Variants in LRRC4C observed in about 807,000 individuals in gnomAD.
The protein encoded by LRRC4C is leucine rich repeat containing 4C.
Under a neutral mutation model 33.6 loss-of-function variants are expected in LRRC4C, and 5 were observed. That is an observed-to-expected ratio of 0.15 (90% CI 0.08 to 0.31). The LOEUF is 0.31. LRRC4C is among the 10% of genes least tolerant of loss of function. The pLI, the probability that LRRC4C is intolerant of heterozygous loss-of-function variation, is 1.00. For synonymous variants in LRRC4C, 329 were observed against 302.0 expected (o/e 1.09, Z -0.93); for missense variants, 560 against 796.7 (o/e 0.70, Z 3.58).
intron 5 of LRRC4C, among the ~76,000 whole-genome samples, chr11:40,190,768 G>A (rs1861772742): frequency 2.0e-5 from 3 of 152,136 alleles, no homozygotes; most frequent in African/African-American, 7.2e-5. Context: ...ATACTCATGT[G>A]TCTAGCCTGA....
At chr11:41,159,514 C>A (rs1944375095) in intron 1 of LRRC4C, among the ~76,000 whole-genome samples, 2 of 151,968 alleles carry the variant, frequency 1.3e-5, no homozygotes, top group Non-Finnish European at 1.5e-5. Context: ...CTAAAAGAAA[C>A]AATGAGCAGA....
chr11:40,437,827 C>G (rs189334571), intron 3 of LRRC4C, among the ~76,000 whole-genome samples: 1 of 152,218 alleles, frequency 6.6e-6, no homozygotes, highest in African/African-American at 2.4e-5. Flanking sequence ...CCTGCCTCAG[C>G]CTCCCGAGTA....
intron 4 of LRRC4C, among the ~76,000 whole-genome samples, chr11:40,246,998 GGA>G (rs1866393386): frequency 6.6e-6 from 1 of 152,090 alleles, no homozygotes; most frequent in African/African-American, 2.4e-5. Flanking sequence ...TCCCCCAGGT[GGA>G]GTTTATGGTT....
chr11:40,515,533 G>A (rs1033980810), intron 3 of LRRC4C, among the ~76,000 whole-genome samples: 1 of 151,982 alleles, frequency 6.6e-6, no homozygotes, highest in African/African-American at 2.4e-5. Flanking sequence ...ATCCCATGGA[G>A]CAAGTTGATG....
At chr11:40,871,606 C>T (rs562859564) in intron 2 of LRRC4C, among the ~76,000 whole-genome samples, 1 of 152,180 alleles carries the variant, frequency 6.6e-6, no homozygotes, top group East Asian at 1.9e-4. Flanking sequence ...CGTTTATGCA[C>T]AGACAAAGCG....
At chr11:41,185,019 C>T (rs1443065639) in intron 1 of LRRC4C, among the ~76,000 whole-genome samples, 13 of 151,914 alleles carry the variant, frequency 8.6e-5, no homozygotes, top group African/African-American at 1.2e-4. Context: ...CACTATCATG[C>T]GAACAGCATG....
intron 3 of LRRC4C, among the ~76,000 whole-genome samples, chr11:40,392,240 C>T (rs1251092093): frequency 6.6e-6 from 1 of 152,110 alleles, no homozygotes; most frequent in African/African-American, 2.4e-5. Flanking sequence ...ATGATGGATA[C>T]ATAACATTAT....
rs1942150386 is a variant in LRRC4C, at chr11:40,642,009, C to T, written c.-270+6133G>A. On this transcript the variant is annotated intron_variant, in intron 3 of 6. Transcript: ENST00000528697. ...CAAGGACAGCCATGTCAAATCTTGT[C>T]ACCACAGGCTGCTTTTTTTTTTTTT... Among the ~76,000 whole-genome samples, 3 of 145,196 alleles carry T rather than the reference C, an allele frequency of 2.1e-5. No homozygotes were observed. In the South Asian group the frequency reaches 6.7e-4, roughly 33 times the overall value.
At chr11:40,524,059 A>T (rs986173506) in intron 3 of LRRC4C, among the ~76,000 whole-genome samples, 3 of 152,200 alleles carry the variant, frequency 2.0e-5, no homozygotes, top group Non-Finnish European at 4.4e-5. Flanking sequence ...TTTCTTGCTA[A>T]CTCAGAATCC....
chr11:40,839,525 CG>C (rs1952823206), intron 2 of LRRC4C, among the ~76,000 whole-genome samples: 1 of 152,118 alleles, frequency 6.6e-6, no homozygotes, highest in Non-Finnish European at 1.5e-5. Context: ...GGATTACAGG[CG>C]TGAGCCACCG....
At chr11:40,225,757 T>C (rs1375340211) in intron 5 of LRRC4C, among the ~76,000 whole-genome samples, 1 of 151,874 alleles carries the variant, frequency 6.6e-6, no homozygotes, top group Non-Finnish European at 1.5e-5. Flanking sequence ...GCTGGGATTA[T>C]AGGTGCCCAC....
rs149547177 is a variant in LRRC4C, at chr11:41,394,957, A to C, written c.-496+64474T>G. On this transcript the variant is annotated intron_variant, in intron 1 of 6. Coordinates refer to ENST00000528697, the MANE Select transcript of LRRC4C (RefSeq NM_001258419.2). ...AGCAAAGCCTTTTATACTCTAACTG[A>C]CCTCTTCAGAGAGAATCCTTTCATT... 1.2e-4 allele frequency: 19 copies of C among 152,028 alleles called. No individual in the cohort carries two copies. In the East Asian group the frequency reaches 3.1e-3, roughly 25 times the overall value. 9.4% of individuals were successfully genotyped at this position (152,028 alleles called of 1,614,324 possible).
rs1033790031 is a variant in LRRC4C, at chr11:41,364,427, C to A, written c.-496+95004G>T. On this transcript the variant is annotated intron_variant, in intron 1 of 6. Transcript: ENST00000528697. ...CCGATTAGCTAGGATTATAGGCACGCACCACCACGCCCAGCTAATTTTTAT... is the reference window on the plus strand; with the variant it reads ...CCGATTAGCTAGGATTATAGGCACGAACCACCACGCCCAGCTAATTTTTAT... 3.9e-5 allele frequency among the ~76,000 whole-genome samples: 6 copies of A among 152,192 alleles called. No homozygotes were observed. The East Asian group carries it at 1.2e-3, about 30-fold the overall frequency.
In LRRC4C at chr11:41,404,655, G is replaced by C. The variant is rs1471587088; in HGVS notation, c.-496+54776C>G. 2.0e-5 allele frequency among the ~76,000 whole-genome samples: 3 copies of C among 152,046 alleles called. No individual in the cohort carries two copies. The East Asian group carries it at 5.8e-4, about 30-fold the overall frequency. On this transcript the variant is annotated intron_variant, in intron 1 of 6. Coordinates refer to ENST00000528697, the MANE Select transcript of LRRC4C (RefSeq NM_001258419.2). ...GCATCACCAGAGTGACAAGGGTATAGTTTTGAACAGTAATGATGACAGCTA... is the reference window on the plus strand; with the variant it reads ...GCATCACCAGAGTGACAAGGGTATACTTTTGAACAGTAATGATGACAGCTA...
intron 2 of LRRC4C, among the ~76,000 whole-genome samples, chr11:40,722,052 G>A (rs1372824713): frequency 6.6e-6 from 1 of 152,122 alleles, no homozygotes; most frequent in African/African-American, 2.4e-5. Context: ...TAGATTATGT[G>A]TTGTATTACG....
chr11:41,056,882 C>T (rs561066170), intron 1 of LRRC4C, among the ~76,000 whole-genome samples: 10 of 152,316 alleles, frequency 6.6e-5, no homozygotes, highest in Admixed American at 2.0e-4. Context: ...TTGGCCAGGG[C>T]TGCTGCATGC....
intron 1 of LRRC4C, among the ~76,000 whole-genome samples, chr11:41,102,510 C>T (rs529209050): frequency 3.3e-5 from 5 of 151,934 alleles, no homozygotes; most frequent in African/African-American, 4.8e-5. Context: ...ACCACAGGAC[C>T]TTCTGGCTAA....
At chr11:40,823,938 A>G (rs572886183) in intron 2 of LRRC4C, among the ~76,000 whole-genome samples, 1 of 152,080 alleles carries the variant, frequency 6.6e-6, no homozygotes, top group East Asian at 1.9e-4. Context: ...ATATAACTAT[A>G]AAAATAAAAT....
intron 2 of LRRC4C, among the ~76,000 whole-genome samples, chr11:40,816,082 C>T (rs981608412): frequency 6.6e-6 from 1 of 152,152 alleles, no homozygotes; most frequent in African/African-American, 2.4e-5. Context: ...AAATGAGAGA[C>T]CTGGGTCCAC....
Sources: gnomAD v4.1 joint callset for allele counts (sites outside exome capture counted in the v4.1 genomes callset) on GRCh38, gnomAD v4.1.1 for gene constraint, MANE v1.5 for transcripts, NCBI Gene and HGNC (gene_info 2026-07-23, HGNC 2026-07-21) for gene names.